GAS7: variants seen among roughly 807,000 people sequenced by gnomAD.
GAS7 encodes growth arrest-specific protein 7.
GAS7 carries 28 observed loss-of-function variants against 71.1 expected under a neutral mutation model. That is an observed-to-expected ratio of 0.39 (90% CI 0.29 to 0.54). The LOEUF is 0.54. Ranked by LOEUF, GAS7 falls within the 20% of genes least tolerant of loss-of-function variation. The pLI is 0.62. For synonymous variants in GAS7, 258 were observed against 245.8 expected (o/e 1.05, Z -0.46); for missense variants, 436 against 627.8 (o/e 0.69, Z 3.27).
rs150285824 is a variant in GAS7 at position 10,034,165 on chromosome 17, G to A, written c.184-14268C>T. The A allele has an allele frequency of 1.3e-4, 124 of 985,060 alleles. No homozygotes were observed. The Middle Eastern group carries it at 2.1e-3, about 17-fold the overall frequency. The allele number at this position is 985,060 out of a possible 1,614,324, so 61.0% of individuals were successfully genotyped here. A position where few individuals can be genotyped will look rare whatever the true frequency, so the allele number is the denominator to read the frequency against. ...CAGGATGGGAATCGGAGCTGGTAAA[G>A]CTGCAGCAGTCTCGCTGGCAGATCT... On this transcript the variant is annotated intron_variant, in intron 1 of 13. Coordinates refer to ENST00000432992, the MANE Select transcript of GAS7 (RefSeq NM_201433.2). This position sits in a 1 kb window ranked among gnomAD's most constrained non-coding sequence, Gnocchi z 4.4.
intron 11 of GAS7, among the ~76,000 whole-genome samples, chr17:9,920,182 A>AGCGT (rs112208548): frequency 7.1e-6 from 1 of 141,050 alleles, no homozygotes; most frequent in African/African-American, 2.5e-5. Context: ...AGATCATGTA[A>AGCGT]GTGTGTGTGT....
rs1362678529 is a variant in GAS7 at position 10,103,700 on chromosome 17, C to A, written c.184-83803G>T. Reference sequence around the variant, plus strand: ...AATTAGCTGGGTGTGGTGGCACATGCCTGTAATCCCGGCTACTAGGGAGGC... The same window carrying A: ...AATTAGCTGGGTGTGGTGGCACATGACTGTAATCCCGGCTACTAGGGAGGC... On this transcript the variant is annotated intron_variant, in intron 1 of 13. Coordinates refer to ENST00000432992, the MANE Select transcript of GAS7 (RefSeq NM_201433.2). The surrounding 1 kb of genome is among the most constrained non-coding windows in gnomAD (Gnocchi z 5.5). 6.6e-6 allele frequency among the ~76,000 whole-genome samples: 1 copy of A among 152,006 alleles called. No individual in the cohort carries two copies. The highest frequency in any genetic ancestry group is 1.5e-5 in the Non-Finnish European group (1 of 67,990).
At position 10,026,582 on chromosome 17, in the gene GAS7, G is replaced by A. The variant is rs2072469586; in HGVS notation, c.184-6685C>T. ...GAAGGTTGAGTCCCGGAGTAGTCCT[G>A]GACTCAGCAGCCAGGAGTGGCCCCA... On this transcript the variant is annotated intron_variant, in intron 1 of 13. Coordinates refer to ENST00000432992, the MANE Select transcript of GAS7 (RefSeq NM_201433.2). The surrounding 1 kb of genome is among the most constrained non-coding windows in gnomAD (Gnocchi z 4.5). 6.6e-6 allele frequency among the ~76,000 whole-genome samples: 1 copy of A among 152,156 alleles called. No homozygotes were observed. Among genetic ancestry groups the A allele is most frequent in the South Asian group, 2.1e-4 (1 of 4,830 alleles).
intron 1 of GAS7, among the ~76,000 whole-genome samples, chr17:10,039,482 G>A (rs2152226872): frequency 6.6e-6 from 1 of 152,222 alleles, no homozygotes; most frequent in South Asian, 2.1e-4. Flanking sequence ...AGGAGTTCGA[G>A]ACCAGCCTGG....
intron 1 of GAS7, among the ~76,000 whole-genome samples, chr17:10,048,929 G>T (rs1219075469): frequency 6.6e-6 from 1 of 152,208 alleles, no homozygotes; most frequent in African/African-American, 2.4e-5. Context: ...TTGCGGGGGG[G>T]AAGATTAGTG....
At chr17:9,937,404 C>T (rs906942411) in intron 8 of GAS7, among the ~76,000 whole-genome samples, 1 of 152,240 alleles carries the variant, frequency 6.6e-6, no homozygotes, top group Non-Finnish European at 1.5e-5. Context: ...ACAGTGGTTG[C>T]AGGGCACGGG....
chr17:10,038,695 ATTT>A (rs71365709), intron 1 of GAS7, among the ~76,000 whole-genome samples: 1,457 of 121,166 alleles, frequency 0.012, 29 homozygotes, highest in East Asian at 0.11. Context: ...GAAGGAAGGA[ATTT>A]TTTTTTTTTT....
Position 9,981,664 on chromosome 17 carries a change from G to A in GAS7, c.385+140C>T, listed in dbSNP as rs1469171819. On this transcript the variant is annotated intron_variant, in intron 3 of 13. Transcript: ENST00000432992. The surrounding 1 kb of genome is among the most constrained non-coding windows in gnomAD (Gnocchi z 4.4). ...CAACCTGCTTGGCAGCAGGCCTAAG[G>A]GACCCTCTCCCAGGCCCAACCCCTC... 2 of 649,930 alleles carry A rather than the reference G, an allele frequency of 3.1e-6. No homozygotes were observed. The highest frequency in any genetic ancestry group is 1.8e-5 in the South Asian group (1 of 55,304). The allele number at this position is 649,930 out of a possible 1,614,324, so 40.3% of individuals were successfully genotyped here.
intron 1 of GAS7, among the ~76,000 whole-genome samples, chr17:10,101,155 A>G (rs1265694703): frequency 1.3e-5 from 2 of 152,194 alleles, no homozygotes; most frequent in African/African-American, 2.4e-5. Context: ...TCTGGGGAGC[A>G]GGTATCCACG....
At chr17:10,073,451 T>C (rs2073361258) in intron 1 of GAS7, among the ~76,000 whole-genome samples, 1 of 152,156 alleles carries the variant, frequency 6.6e-6, no homozygotes, top group Non-Finnish European at 1.5e-5. Flanking sequence ...CATTTTGCTG[T>C]CCTCAAGCAC....
chr17:10,027,952 C>T (rs757604516), intron 1 of GAS7, among the ~76,000 whole-genome samples: 5 of 152,304 alleles, frequency 3.3e-5, no homozygotes, highest in South Asian at 2.1e-4. Context: ...GGCACGATCT[C>T]GGCTCACTAC....
intron 2 of GAS7, among the ~76,000 whole-genome samples, chr17:9,992,912 T>C (rs2070901499): frequency 6.6e-6 from 1 of 152,094 alleles, no homozygotes; most frequent in African/African-American, 2.4e-5. Context: ...GTTTCATCCA[T>C]GTCCCTACAA....
chr17:10,160,080 A>T (rs2074239887), intron 1 of GAS7, among the ~76,000 whole-genome samples: 1 of 143,598 alleles, frequency 7.0e-6, no homozygotes, highest in African/African-American at 2.6e-5. Flanking sequence ...CACCTAGCTA[A>T]TTTCTTGTAG....
At chr17:10,149,528 G>T (rs1266059673) in intron 1 of GAS7, among the ~76,000 whole-genome samples, 1 of 152,178 alleles carries the variant, frequency 6.6e-6, no homozygotes, top group African/African-American at 2.4e-5. Context: ...TGGAAAAGAG[G>T]TAGAAACAGT....
At chr17:10,096,845 T>TCCAAAACACG (rs1359332980) in intron 1 of GAS7, among the ~76,000 whole-genome samples, 1 of 152,236 alleles carries the variant, frequency 6.6e-6, no homozygotes, top group East Asian at 1.9e-4. Flanking sequence ...ACGAGTGGCG[T>TCCAAAACACG]CCAAAACACG....
rs1225104851 is a variant in GAS7 at position 9,915,297 on chromosome 17, G to A, written c.*1931C>T. 1 of 230,656 alleles carries A rather than the reference G, an allele frequency of 4.3e-6. No homozygotes were observed. Among genetic ancestry groups the A allele is most frequent in the Non-Finnish European group, 8.6e-6 (1 of 116,276 alleles). The allele number at this position is 230,656 out of a possible 1,614,324, so 14.3% of individuals were successfully genotyped here. ...AATAACAAGGCTATTGGCTTTGAAT[G>A]TTTGGAAATCATCCACAGAGTAGTT... On this transcript the variant is annotated 3_prime_UTR_variant, in exon 14 of 14. Transcript: ENST00000432992.
At chr17:10,159,065 C>CATATATATATATATGTAT (rs2074229262) in intron 1 of GAS7, among the ~76,000 whole-genome samples, 1 of 60,014 alleles carries the variant, frequency 1.7e-5, no homozygotes, top group African/African-American at 7.8e-5. Context: ...GTCTCTAAAA[C>CATATATATATATATGTAT]ATATATATAT....
intron 4 of GAS7, among the ~76,000 whole-genome samples, chr17:9,962,978 A>G (rs2069557911): frequency 6.6e-6 from 1 of 151,748 alleles, no homozygotes; most frequent in Non-Finnish European, 1.5e-5. Flanking sequence ...CAGACCAAGA[A>G]CGCAGGTTAT....
At chr17:9,973,633 A>G (rs114011466) in intron 3 of GAS7, among the ~76,000 whole-genome samples, 1,564 of 152,324 alleles carry the variant, frequency 0.01, 17 homozygotes, top group African/African-American at 0.036. Flanking sequence ...ATGAGATTCA[A>G]ATTATCAAAA....
Sources: gnomAD v4.1 joint callset for allele counts (sites outside exome capture counted in the v4.1 genomes callset) on GRCh38, gnomAD v4.1.1 for gene constraint, Gnocchi (gnomAD v3.1) non-coding constraint, MANE v1.5 for transcripts, NCBI Gene and HGNC (gene_info 2026-07-23, HGNC 2026-07-21) for gene names.